VPS13B: variants seen among roughly 807,000 people sequenced by gnomAD.
The protein encoded by VPS13B is intermembrane lipid transfer protein VPS13B.
VPS13B carries 285 observed loss-of-function variants against 426.4 expected under a neutral mutation model. That is an observed-to-expected ratio of 0.67 (90% confidence interval 0.61 to 0.74). The LOEUF is 0.74. Ranked by LOEUF, VPS13B falls within the 30% of genes least tolerant of loss-of-function variation. The pLI is 0.00. For missense variants in VPS13B, 4,537 were observed against 4,782.6 expected (o/e 0.95, Z 1.51); for synonymous variants, 1,676 against 1,676.4 (o/e 1.00, Z 0.01).
intron 40 of VPS13B, among the ~76,000 whole-genome samples, chr8:99,773,248 C>T (rs904095281): frequency 3.3e-5 from 5 of 152,134 alleles, no homozygotes; most frequent in Admixed American, 6.6e-5. Context: ...ATGATAGCAG[C>T]GCATACATTA....
intron 31 of VPS13B, among the ~76,000 whole-genome samples, chr8:99,565,898 A>G (rs776249381): frequency 6.6e-6 from 1 of 152,150 alleles, no homozygotes; most frequent in Non-Finnish European, 1.5e-5. Context: ...TCTAATTCTC[A>G]TACTTTGTAG....
chr8:99,573,303 A>G (rs905498978), intron 31 of VPS13B, among the ~76,000 whole-genome samples: 1 of 152,156 alleles, frequency 6.6e-6, no homozygotes, highest in African/African-American at 2.4e-5. Flanking sequence ...CTTTAGTTTA[A>G]TTAGATCCCA....
intron 3 of VPS13B, among the ~76,000 whole-genome samples, chr8:99,042,140 CAA>C (rs926270480): frequency 2.3e-5 from 3 of 130,830 alleles, no homozygotes; most frequent in Non-Finnish European, 3.3e-5. Flanking sequence ...AACTCCATCT[CAA>C]AAAAAAAAAA....
intron 19 of VPS13B, among the ~76,000 whole-genome samples, chr8:99,352,857 T>C (rs1371428508): frequency 6.6e-6 from 1 of 152,026 alleles, no homozygotes; most frequent in Non-Finnish European, 1.5e-5. Flanking sequence ...CAGTTTTTTT[T>C]GGAATGTCTT....
intron 36 of VPS13B, among the ~76,000 whole-genome samples, chr8:99,716,750 A>T (rs373427048): frequency 6.6e-6 from 1 of 152,162 alleles, no homozygotes; most frequent in East Asian, 1.9e-4. Flanking sequence ...CCAGTAAAAA[A>T]CTTGAGTGTC....
intron 25 of VPS13B, among the ~76,000 whole-genome samples, chr8:99,486,607 A>G (rs796731376): frequency 6.6e-6 from 1 of 152,180 alleles, no homozygotes; most frequent in African/African-American, 2.4e-5. Context: ...GCTGAAGCCT[A>G]GTGTCTAGTG....
intron 44 of VPS13B, among the ~76,000 whole-genome samples, chr8:99,811,633 T>C (rs373626867): frequency 6.2e-4 from 95 of 152,310 alleles, no homozygotes; most frequent in African/African-American, 2.2e-3. Context: ...TGCTAGAACA[T>C]TTATCAGTTA....
At chr8:99,739,218 G>A (rs529743469) in intron 39 of VPS13B, among the ~76,000 whole-genome samples, 14 of 152,300 alleles carry the variant, frequency 9.2e-5, no homozygotes, top group East Asian at 5.8e-4. Context: ...GTGGAGCCTC[G>A]CTCATTGCTA....
intron 3 of VPS13B, among the ~76,000 whole-genome samples, chr8:99,065,464 G>T (rs4461878): frequency 1.3e-5 from 2 of 152,066 alleles, no homozygotes; most frequent in South Asian, 2.1e-4. Context: ...ATTTAACAGC[G>T]CTTCATACTA....
At chr8:99,461,926 A>G (rs1818855510) in intron 23 of VPS13B, among the ~76,000 whole-genome samples, 1 of 152,178 alleles carries the variant, frequency 6.6e-6, no homozygotes, top group African/African-American at 2.4e-5. Context: ...AACAATGAGT[A>G]CGTATTGCTC....
intron 21 of VPS13B, among the ~76,000 whole-genome samples, chr8:99,423,677 A>G (rs962360159): frequency 9.2e-5 from 14 of 152,154 alleles, no homozygotes; most frequent in Admixed American, 2.6e-4. Context: ...GGCTTCAACA[A>G]TGACAAATTT....
intron 26 of VPS13B, among the ~76,000 whole-genome samples, chr8:99,502,227 G>A (rs1215320657): frequency 5.3e-5 from 8 of 152,028 alleles, no homozygotes; most frequent in Admixed American, 1.3e-4. Context: ...CAGGTGGTCC[G>A]CCCACGTTGG....
chr8:99,518,543 T>TA, intron 29 of VPS13B, among the ~76,000 whole-genome samples: 1 of 152,194 alleles, frequency 6.6e-6, no homozygotes, highest in Non-Finnish European at 1.5e-5. Context: ...ATAGTTCATC[T>TA]CTTTTTTTCT....
rs868420295 is a variant in VPS13B at position 99,821,180 on chromosome 8, T to G, written c.8995-114T>G. On this transcript the variant is annotated intron_variant, in intron 49 of 61. Transcript: ENST00000357162. Reference sequence around the variant, plus strand: ...CACACACACACACCATGGAGGGATATTTGGTTACCTTAGTAGACCTATTAT... The same window carrying G: ...CACACACACACACCATGGAGGGATAGTTGGTTACCTTAGTAGACCTATTAT... The G allele has an allele frequency of 1.4e-5, 13 of 914,090 alleles. 1 individual carries two copies. Among genetic ancestry groups the G allele is most frequent in the Middle Eastern group, 6.8e-4 (2 of 2,932 alleles). 56.6% of individuals were successfully genotyped at this position (914,090 alleles called of 1,614,324 possible).
chr8:99,311,965 G>A (rs1210598214), intron 19 of VPS13B, among the ~76,000 whole-genome samples: 1 of 152,122 alleles, frequency 6.6e-6, no homozygotes, highest in East Asian at 1.9e-4. Context: ...TTGGTTTAAA[G>A]TCTGTTTTAT....
At chr8:99,572,754 A>G (rs1195531258) in intron 31 of VPS13B, among the ~76,000 whole-genome samples, 1 of 152,222 alleles carries the variant, frequency 6.6e-6, no homozygotes, top group Admixed American at 6.5e-5. Context: ...ATAGTGCCGC[A>G]GTAAACATAC....
At chr8:99,866,724 TTGA>T (rs1817119973) in intron 58 of VPS13B, among the ~76,000 whole-genome samples, 1 of 152,228 alleles carries the variant, frequency 6.6e-6, no homozygotes, top group Non-Finnish European at 1.5e-5. Flanking sequence ...GCTGTTCACT[TTGA>T]TAATCTGCTG....
rs961215114 is a variant in VPS13B at position 99,169,934 on chromosome 8, T to C, written c.2209-105T>C. The C allele has an allele frequency of 4.5e-6, 6 of 1,325,294 alleles. No homozygotes were observed. In the Admixed American group the frequency reaches 5.1e-5, roughly 11 times the overall value. The allele number at this position is 1,325,294 out of a possible 1,614,324, so 82.1% of individuals were successfully genotyped here. A position where few individuals can be genotyped will look rare whatever the true frequency, so the allele number is the denominator to read the frequency against. ...AAGTGGAAAAAGACTTTGGAACATA[T>C]TTAGTGTGCAGCTGTTGTAAAGCAA... On this transcript the variant is annotated intron_variant, in intron 15 of 61. Coordinates refer to ENST00000357162, the MANE Select transcript of VPS13B (RefSeq NM_152564.5).
intron 33 of VPS13B, among the ~76,000 whole-genome samples, chr8:99,611,343 A>G (rs1481710137): frequency 6.6e-6 from 1 of 152,160 alleles, no homozygotes; most frequent in African/African-American, 2.4e-5. Flanking sequence ...TATATTTTTG[A>G]TAGGAATTTT....
Sources: allele counts gnomAD v4.1 joint callset (sites outside exome capture counted in the v4.1 genomes callset), GRCh38; gene constraint gnomAD v4.1.1; transcripts MANE v1.5; gene names NCBI Gene and HGNC (gene_info 2026-07-23, HGNC 2026-07-21).